CECR2: variants seen among roughly 807,000 people sequenced by gnomAD.
CECR2 encodes chromatin remodeling regulator CECR2.
A neutral mutation model predicts 154.5 loss-of-function variants in CECR2; 30 were observed. That is an observed-to-expected ratio of 0.19 (90% confidence interval 0.15 to 0.26). CECR2 has a LOEUF of 0.26. CECR2 is among the 10% of genes least tolerant of loss of function. The pLI is 1.00. For synonymous variants in CECR2, 725 were observed against 683.7 expected (o/e 1.06, Z -0.94); for missense variants, 1,743 against 1,829.3 (o/e 0.95, Z 0.86).
chr22:17,554,409 A>T lies in CECR2; in HGVS notation c.*1569A>T, dbSNP rs1162357924. ...GGGGCCAGTAGAGTGTTTCCCTCCA[A>T]TTCCAGGATTCCTAGTGAAGCATGG... On this transcript the variant is annotated 3_prime_UTR_variant, in exon 19 of 19. Coordinates refer to ENST00000262608, the MANE Select transcript of CECR2 (RefSeq NM_001290047.2). The T allele has an allele frequency of 6.6e-6, 1 of 152,168 alleles. No homozygotes were observed. Among genetic ancestry groups the T allele is most frequent in the African/African-American group, 2.4e-5 (1 of 41,446 alleles). 9.4% of individuals were successfully genotyped at this position (152,168 alleles called of 1,614,324 possible). A position where few individuals can be genotyped will look rare whatever the true frequency, so the allele number is the denominator to read the frequency against.
intron 2 of CECR2, among the ~76,000 whole-genome samples, chr22:17,480,900 C>T (rs1274669026): frequency 1.3e-5 from 2 of 151,570 alleles, no homozygotes; most frequent in Non-Finnish European, 2.9e-5. Context: ...ATTAGCCAGG[C>T]GTGGTGGTGC....
intron 2 of CECR2, among the ~76,000 whole-genome samples, chr22:17,493,002 G>A (rs776552205): frequency 6.6e-6 from 1 of 151,908 alleles, no homozygotes; most frequent in Non-Finnish European, 1.5e-5. Flanking sequence ...GACAGAGTCT[G>A]GCTCTGTCGC....
chr22:17,403,361 G>A (rs906034715), intron 1 of CECR2, among the ~76,000 whole-genome samples: 4 of 151,920 alleles, frequency 2.6e-5, no homozygotes, highest in African/African-American at 9.7e-5. Context: ...TTTTGTTTGG[G>A]GCTATTATAG....
intron 1 of CECR2, among the ~76,000 whole-genome samples, chr22:17,476,904 C>T (rs1361585615): frequency 6.6e-6 from 1 of 152,176 alleles, no homozygotes; most frequent in Admixed American, 6.5e-5. Context: ...GTCCAGTGGT[C>T]CCTTTCCAAA....
At chr22:17,478,217 T>G (rs747425708) in intron 2 of CECR2, among the ~76,000 whole-genome samples, 23 of 152,292 alleles carry the variant, frequency 1.5e-4, no homozygotes, top group Non-Finnish European at 3.2e-4. Context: ...TATGTGTCTA[T>G]ATAGGACAGA....
chr22:17,504,075 T>TAAATAAATAAATAAAA (rs879844244), intron 6 of CECR2, among the ~76,000 whole-genome samples: 3,096 of 149,798 alleles, frequency 0.021, 51 homozygotes, highest in Non-Finnish European at 0.033. Context: ...AATAAATAAA[T>TAAATAAATAAATAAAA]AAAATTTAAA....
At chr22:17,453,286 AC>A (rs1313471108) in intron 1 of CECR2, among the ~76,000 whole-genome samples, 1 of 152,170 alleles carries the variant, frequency 6.6e-6, no homozygotes, top group African/African-American at 2.4e-5. Context: ...TGCTAAAAAT[AC>A]AAAAATTAAC....
intron 1 of CECR2, among the ~76,000 whole-genome samples, chr22:17,403,973 A>T (rs2053935006): frequency 6.6e-6 from 1 of 151,174 alleles, no homozygotes; most frequent in East Asian, 1.9e-4. Flanking sequence ...AGATAAGACC[A>T]CCCTGGCCGG....
intron 1 of CECR2, among the ~76,000 whole-genome samples, chr22:17,470,405 A>AAAG (rs2055106456): frequency 6.6e-6 from 1 of 151,624 alleles, no homozygotes; most frequent in African/African-American, 2.4e-5. Context: ...AAAAAAAAAA[A>AAAG]AAAGAAAAAA....
Position 17,504,740 on chromosome 22 carries a change from C to T in CECR2, c.701-107C>T, listed in dbSNP as rs554569162. ...ACAGGCTTGAGCCACCGCGCCCGGC[C>T]GAGTTCCTTATTTTAGTCATGACCC... is the stretch of plus-strand genomic sequence containing the variant. On this transcript the variant is annotated intron_variant, in intron 6 of 18. Transcript: ENST00000262608. The T allele has an allele frequency of 1.2e-5, 12 of 1,036,652 alleles. 1 individual carries two copies. The highest frequency in any genetic ancestry group is 5.1e-4 in the Middle Eastern group (2 of 3,958). 64.2% of individuals were successfully genotyped at this position (1,036,652 alleles called of 1,614,324 possible).
At chr22:17,415,450 C>T (rs1445428112) in intron 1 of CECR2, among the ~76,000 whole-genome samples, 2 of 152,310 alleles carry the variant, frequency 1.3e-5, no homozygotes, top group Middle Eastern at 3.4e-3. Context: ...CCATATTGCC[C>T]AGACTGGTCT....
chr22:17,367,310 A>G (rs1156400668), upstream of CECR2, among the ~76,000 whole-genome samples: 1 of 152,130 alleles, frequency 6.6e-6, no homozygotes, highest in Non-Finnish European at 1.5e-5. Flanking sequence ...GCTAGTGGTG[A>G]CAACTGAGAG....
At chr22:17,401,639 G>A (rs1047665594) in intron 1 of CECR2, among the ~76,000 whole-genome samples, 4 of 152,090 alleles carry the variant, frequency 2.6e-5, no homozygotes, top group African/African-American at 9.7e-5. Flanking sequence ...TGTAGCATGC[G>A]TCAGTAGTTG....
At chr22:17,519,711 A>G (rs2056123475) in intron 8 of CECR2, among the ~76,000 whole-genome samples, 1 of 151,812 alleles carries the variant, frequency 6.6e-6, no homozygotes, top group Non-Finnish European at 1.5e-5. Flanking sequence ...GATTTAGGTT[A>G]TTGGCTTTTG....
intron 1 of CECR2, among the ~76,000 whole-genome samples, chr22:17,441,979 C>G (rs1440535669): frequency 6.6e-6 from 1 of 152,192 alleles, no homozygotes; most frequent in African/African-American, 2.4e-5. Flanking sequence ...GAACATATTT[C>G]TCTGCAGGAA....
intron 2 of CECR2, among the ~76,000 whole-genome samples, chr22:17,479,288 A>T (rs1212616650): frequency 6.6e-6 from 1 of 152,148 alleles, no homozygotes; most frequent in Non-Finnish European, 1.5e-5. Flanking sequence ...AGTGCGTGAG[A>T]GTGTCTGCTT....
chr22:17,391,212 A>G (rs778503648), intron 1 of CECR2, among the ~76,000 whole-genome samples: 3 of 152,232 alleles, frequency 2.0e-5, no homozygotes, highest in Non-Finnish European at 2.9e-5. Flanking sequence ...AACAGTTCAC[A>G]CTGAAATATC....
chr22:17,475,159 T>G (rs2055188339), intron 1 of CECR2, among the ~76,000 whole-genome samples: 1 of 152,042 alleles, frequency 6.6e-6, no homozygotes, highest in African/African-American at 2.4e-5. Context: ...ACTTTGCAGA[T>G]AAAGTTTCTC....
intron 4 of CECR2, among the ~76,000 whole-genome samples, chr22:17,499,752 T>G (rs549249648): frequency 2.6e-4 from 39 of 152,198 alleles, no homozygotes; most frequent in Non-Finnish European, 5.3e-4. Context: ...ATATACTTTT[T>G]TAATCTGAAG....
Sources: allele counts gnomAD v4.1 joint callset (sites outside exome capture counted in the v4.1 genomes callset), GRCh38; gene constraint gnomAD v4.1.1; transcripts MANE v1.5; gene names NCBI Gene and HGNC (gene_info 2026-07-23, HGNC 2026-07-21).